The following CTPS2 variants were observed in gnomAD, a reference collection of about 807,000 sequenced individuals.
The protein encoded by CTPS2 is CTP synthase 2.
In CTPS2, 19 loss-of-function variants were observed where a neutral mutation model predicts 46.8. The observed-to-expected ratio is 0.41, with a 90% CI of 0.28 to 0.60. The LOEUF is 0.60. Ranked by LOEUF, CTPS2 falls within the 20% of genes least tolerant of loss-of-function variation. The pLI, the probability that CTPS2 is intolerant of heterozygous loss-of-function variation, is 0.35. For synonymous variants in CTPS2, 151 were observed against 165.2 expected, an observed-to-expected ratio of 0.91 and a Z score of 0.66; for missense variants, 286 against 447.6, an observed-to-expected ratio of 0.64 and a Z score of 3.26.
At position 16,693,125 on chromosome X, in the gene CTPS2, A is replaced by ACTGTCC; in HGVS notation, c.639+10_639+15dup. The ACTGTCC allele has an allele frequency of 8.9e-7, 1 of 1,127,200 alleles. No individual in the cohort carries two copies. Among genetic ancestry groups the ACTGTCC allele is most frequent in the Non-Finnish European group, 1.2e-6 (1 of 820,395 alleles). The allele number at this position is 1,127,200 out of a possible 1,213,427, so 92.9% of individuals were successfully genotyped here. ...AGAGACCTTCAGGATAGACTTACCC[A>ACTGTCC]CTGTCCTCAACTCACCAGATCTGGA... On this transcript the variant is annotated intron_variant, in intron 6 of 18. Coordinates refer to ENST00000359276, the MANE Select transcript of CTPS2 (RefSeq NM_175859.3).
At chrX:16,636,973 A>T (rs958339813) in intron 14 of CTPS2, among the ~76,000 whole-genome samples, 1 of 112,428 alleles carries the variant, frequency 8.9e-6, no homozygotes, top group African/African-American at 3.2e-5. Context: ...CTAATAGACA[A>T]ATTATATGAT....
chrX:16,692,585 G>A (rs1205848214), intron 6 of CTPS2, among the ~76,000 whole-genome samples: 2 of 111,824 alleles, frequency 1.8e-5, no homozygotes, highest in African/African-American at 6.5e-5. Context: ...TAAATGACAG[G>A]ACATCACACT....
intron 14 of CTPS2, among the ~76,000 whole-genome samples, chrX:16,626,328 C>T (rs1228790915): frequency 9.0e-6 from 1 of 110,910 alleles, no homozygotes; most frequent in East Asian, 2.8e-4. Flanking sequence ...TTGCACTGAG[C>T]CAAGATCATG....
At chrX:16,622,245 A>C (rs1930881981) in intron 14 of CTPS2, among the ~76,000 whole-genome samples, 1 of 108,005 alleles carries the variant, frequency 9.3e-6, no homozygotes, top group South Asian at 4.1e-4. Context: ...ATCTCTACTA[A>C]ACAAAAATTA....
chrX:16,646,836 C>G (rs1932342752), intron 13 of CTPS2, among the ~76,000 whole-genome samples: 1 of 111,482 alleles, frequency 9.0e-6, no homozygotes, highest in Non-Finnish European at 1.9e-5. Flanking sequence ...ATATGTTACT[C>G]TTGGCTTTCC....
chrX:16,708,436 A>T (rs1925182449), intron 1 of CTPS2, among the ~76,000 whole-genome samples: 1 of 111,576 alleles, frequency 9.0e-6, no homozygotes, highest in Admixed American at 9.7e-5. Flanking sequence ...ACCTATGTTT[A>T]TAGCTTAAAA....
At chrX:16,625,412 C>CA (rs1931078127) in intron 14 of CTPS2, among the ~76,000 whole-genome samples, 1 of 111,965 alleles carries the variant, frequency 8.9e-6, no homozygotes, top group African/African-American at 3.3e-5. Flanking sequence ...TGTGTGCACT[C>CA]AAATCCCTTA....
At chrX:16,629,419 G>A (rs1464154261) in intron 14 of CTPS2, among the ~76,000 whole-genome samples, 1 of 111,688 alleles carries the variant, frequency 9.0e-6, no homozygotes, top group Admixed American at 9.5e-5. Flanking sequence ...TGCTCCTCTG[G>A]AATTTGTGTC....
At chrX:16,657,116 G>A (rs111606912) in intron 13 of CTPS2, among the ~76,000 whole-genome samples, 3 of 106,742 alleles carry the variant, frequency 2.8e-5, no homozygotes, top group South Asian at 4.3e-4. Flanking sequence ...TCTCAAACTC[G>A]TGGGCTCAAG....
chrX:16,605,487 C>T (rs989682103), intron 17 of CTPS2, among the ~76,000 whole-genome samples: 2 of 111,590 alleles, frequency 1.8e-5, no homozygotes, highest in Non-Finnish European at 3.8e-5. Flanking sequence ...TTTGGGAGCC[C>T]GAGGCACACG....
chrX:16,702,969 G>A, intron 1 of CTPS2, 28 bp from the exon 2 acceptor site: 3 of 967,194 alleles, frequency 3.1e-6, no homozygotes, highest in Non-Finnish European at 4.3e-6. Context: ...TATGGATAAG[G>A]AAAGAGAAAT....
intron 10 of CTPS2, among the ~76,000 whole-genome samples, chrX:16,672,741 C>A (rs1014381624): frequency 9.0e-6 from 1 of 110,923 alleles, no homozygotes; most frequent in Non-Finnish European, 1.9e-5. Flanking sequence ...CCTAGCATAC[C>A]GACAAAAGGG....
chrX:16,653,167 C>T (rs1030400828), intron 13 of CTPS2, among the ~76,000 whole-genome samples: 7 of 110,560 alleles, frequency 6.3e-5, no homozygotes, highest in African/African-American at 1.6e-4. Flanking sequence ...TTATTTCAAT[C>T]GGTTTTCTAA....
chrX:16,688,886 G>A (rs1287305176), intron 8 of CTPS2, among the ~76,000 whole-genome samples: 1 of 109,863 alleles, frequency 9.1e-6, no homozygotes, highest in Non-Finnish European at 1.9e-5. Flanking sequence ...TTGAGCCCAG[G>A]AGTTCAAGAC....
chrX:16,632,442 GACAGAGTCTTGCTCTGT>G (rs1162966549), intron 14 of CTPS2, among the ~76,000 whole-genome samples: 1 of 105,347 alleles, frequency 9.5e-6, no homozygotes, highest in East Asian at 2.9e-4. Flanking sequence ...TTTTTTTTGA[GACAGAGTCTTGCTCTGT>G]CACCTAGGCT....
intron 16 of CTPS2, among the ~76,000 whole-genome samples, chrX:16,615,003 C>G (rs966972768): frequency 8.9e-6 from 1 of 112,391 alleles, no homozygotes; most frequent in South Asian, 3.7e-4. Context: ...AGTGAAACCC[C>G]ATCTCTACTA....
intron 10 of CTPS2, among the ~76,000 whole-genome samples, chrX:16,674,628 G>A (rs1427457293): frequency 2.8e-5 from 3 of 105,874 alleles, no homozygotes; most frequent in East Asian, 6.2e-4. Context: ...CACGAGGTCA[G>A]GAGATCGAGA....
chrX:16,682,746 A>G (rs1922846360), intron 9 of CTPS2, among the ~76,000 whole-genome samples: 1 of 111,758 alleles, frequency 8.9e-6, no homozygotes, highest in Non-Finnish European at 1.9e-5. Flanking sequence ...AGCCCCCAGT[A>G]AAAACCTTGG....
intron 1 of CTPS2, among the ~76,000 whole-genome samples, chrX:16,707,413 G>A (rs750154406): frequency 1.3e-4 from 15 of 112,265 alleles, no homozygotes; most frequent in Non-Finnish European, 2.4e-4. Flanking sequence ...GCTCACATCT[G>A]TAATCCCAAC....
Sources: gnomAD v4.1 joint callset for allele counts (sites outside exome capture counted in the v4.1 genomes callset) on GRCh38, gnomAD v4.1.1 for gene constraint, MANE v1.5 for transcripts, NCBI Gene and HGNC (gene_info 2026-07-23, HGNC 2026-07-21) for gene names.